AATF: variants seen among roughly 807,000 people sequenced by gnomAD.
AATF encodes the protein protein AATF.
AATF carries 48 observed loss-of-function variants against 63.7 expected under a neutral mutation model. The ratio of observed to expected loss-of-function variants is 0.75; its 90% CI spans 0.60 to 0.96. The LOEUF (loss-of-function observed/expected upper bound fraction) is 0.96, where lower values mean the gene tolerates loss of function less well. Ranked by LOEUF, AATF falls within the 40% of genes least tolerant of loss-of-function variation. The probability of loss-of-function intolerance (pLI) is 0.00; values close to 1 mark genes in which losing one functional copy is unlikely to be tolerated. For missense variants in AATF, 639 were observed against 685.7 expected, an observed-to-expected ratio of 0.93 and a Z score of 0.76; for synonymous variants, 258 against 247.7, an observed-to-expected ratio of 1.04 and a Z score of -0.39.
At chr17:37,001,261 A>G (rs1597720218) in intron 8 of AATF, among the ~76,000 whole-genome samples, 1 of 151,890 alleles carries the variant, frequency 6.6e-6, no homozygotes. Flanking sequence ...TTGAGGCTGC[A>G]GTGAACTGTG....
intron 4 of AATF, among the ~76,000 whole-genome samples, chr17:36,955,732 A>G (rs1001661988): frequency 2.0e-5 from 3 of 152,192 alleles, no homozygotes; most frequent in Non-Finnish European, 4.4e-5. Flanking sequence ...GTCAGTGTCC[A>G]GTATAATGGA....
chr17:36,958,170 C>CTT (rs56740035), intron 4 of AATF, among the ~76,000 whole-genome samples: 1,750 of 147,490 alleles, frequency 0.012, 30 homozygotes, highest in African/African-American at 0.041. Context: ...TCTTTTTTTT[C>CTT]TTTTTTTTTT....
At chr17:36,961,212 A>G (rs570432957) in intron 4 of AATF, among the ~76,000 whole-genome samples, 3 of 152,302 alleles carry the variant, frequency 2.0e-5, no homozygotes, top group South Asian at 2.1e-4. Context: ...TAGTTAACCA[A>G]TCTGTATTGA....
chr17:36,965,291 G>C (rs915532241), intron 4 of AATF, among the ~76,000 whole-genome samples: 8 of 152,088 alleles, frequency 5.3e-5, no homozygotes, highest in South Asian at 2.1e-4. Context: ...GCCTTTTCCA[G>C]CTTTTATAGG....
chr17:37,018,827 G>A, intron 8 of AATF, 178 bp from the exon 9 acceptor site: 1 of 598,844 alleles, frequency 1.7e-6, no homozygotes, highest in Non-Finnish European at 3.0e-6. Flanking sequence ...CCTTTTTAAA[G>A]ATATATAACT....
At chr17:36,950,530 G>A (rs763295459) in intron 2 of AATF, 125 bp downstream of exon 2, 56 of 1,001,584 alleles carry the variant, frequency 5.6e-5, no homozygotes, top group Non-Finnish European at 7.6e-5. Flanking sequence ...ACAGAGTTTG[G>A]CTCTTGTTGC....
chr17:37,050,671 A>G (rs569084373), intron 11 of AATF, among the ~76,000 whole-genome samples: 40 of 152,292 alleles, frequency 2.6e-4, no homozygotes, highest in Admixed American at 5.2e-4. Context: ...GAGTGCTGCT[A>G]TGATTGGAAC....
intron 4 of AATF, among the ~76,000 whole-genome samples, chr17:36,955,888 G>A (rs2070895842): frequency 6.6e-6 from 1 of 152,056 alleles, no homozygotes; most frequent in African/African-American, 2.4e-5. Flanking sequence ...TCAGCCTCCT[G>A]AGTAGCTGGT....
chr17:37,004,379 C>T (rs921367424), intron 8 of AATF, among the ~76,000 whole-genome samples: 1 of 152,070 alleles, frequency 6.6e-6, no homozygotes, highest in African/African-American at 2.4e-5. Context: ...TGAGTATAGA[C>T]AGCTTTGAGG....
chr17:36,954,406 G>A (rs2070883037), intron 4 of AATF, among the ~76,000 whole-genome samples: 1 of 152,116 alleles, frequency 6.6e-6, no homozygotes, highest in Non-Finnish European at 1.5e-5. Flanking sequence ...TAAAGCTCAG[G>A]GGACACTGGT....
chr17:37,036,424 ATATTATCCTGGTGGTAT>A (rs1314122545), intron 11 of AATF, among the ~76,000 whole-genome samples: 1 of 152,120 alleles, frequency 6.6e-6, no homozygotes, highest in African/African-American at 2.4e-5. Context: ...TTAACACAGG[ATATTATCCTGGTGGTAT>A]ATCCTGGTGG....
chr17:37,037,308 C>T (rs1287598776), intron 11 of AATF, among the ~76,000 whole-genome samples: 1 of 152,190 alleles, frequency 6.6e-6, no homozygotes, highest in Non-Finnish European at 1.5e-5. Context: ...AGCCACCATA[C>T]CTGGCTGACA....
chr17:37,051,116 G>T (rs970116228), intron 11 of AATF: 3 of 152,186 alleles, frequency 2.0e-5, no homozygotes, highest in African/African-American at 7.2e-5. Flanking sequence ...GTCTCCGCCA[G>T]CTCCTTTGGA....
At chr17:36,987,737 G>A (rs1382734734) in intron 5 of AATF, among the ~76,000 whole-genome samples, 3 of 152,146 alleles carry the variant, frequency 2.0e-5, no homozygotes, top group East Asian at 1.9e-4. Context: ...GTTGCCTACC[G>A]CTTTGAGTTT....
At chr17:37,055,621 TG>T (rs1475350766) in intron 11 of AATF, 2 of 151,134 alleles carry the variant, frequency 1.3e-5, no homozygotes, top group African/African-American at 4.9e-5. Flanking sequence ...CTGGGGCTCC[TG>T]GCCCATGACC....
At chr17:36,962,208 G>A (rs575802735) in intron 4 of AATF, among the ~76,000 whole-genome samples, 1 of 152,312 alleles carries the variant, frequency 6.6e-6, no homozygotes, top group Non-Finnish European at 1.5e-5. Context: ...AATAACATAT[G>A]CAGTGTTTTA....
At chr17:37,018,905 A>G in intron 8 of AATF, 100 bp from the exon 9 acceptor site, 1 of 926,780 alleles carries the variant, frequency 1.1e-6, no homozygotes, top group South Asian at 1.4e-5. Context: ...TTGTAGTTTT[A>G]GAGCTGTCAC....
chr17:36,952,441 T>G (rs1567962309), intron 2 of AATF, among the ~76,000 whole-genome samples: 2 of 152,248 alleles, frequency 1.3e-5, no homozygotes, highest in African/African-American at 4.8e-5. Context: ...ATGTGATAGA[T>G]TGTACATTTT....
At chr17:36,956,454 C>A (rs1014386676) in intron 4 of AATF, among the ~76,000 whole-genome samples, 1 of 152,106 alleles carries the variant, frequency 6.6e-6, no homozygotes, top group Non-Finnish European at 1.5e-5. Context: ...GGGCTGATCA[C>A]CTGAGGTCAG....
Sources: allele counts gnomAD v4.1 joint callset (sites outside exome capture counted in the v4.1 genomes callset), GRCh38; gene constraint gnomAD v4.1.1; transcripts MANE v1.5; gene names NCBI Gene and HGNC (gene_info 2026-07-23, HGNC 2026-07-21).